Variants in LUZP2 observed in about 807,000 individuals in gnomAD.
The protein encoded by LUZP2 is leucine zipper protein 2.
Under a neutral mutation model 51.6 loss-of-function variants are expected in LUZP2, and 52 were observed. The ratio of observed to expected loss-of-function variants is 1.01; its 90% CI spans 0.81 to 1.27. The LOEUF is 1.27. Among genes scored for constraint, LUZP2 ranks in the 50% most tolerant of loss-of-function variants. The probability of loss-of-function intolerance (pLI) is 0.00; values close to 1 mark genes in which losing one functional copy is unlikely to be tolerated. For missense variants in LUZP2, 436 were observed against 395.4 expected (o/e 1.10, Z -0.87); for synonymous variants, 154 against 137.3 (o/e 1.12, Z -0.85).
intron 1 of LUZP2, among the ~76,000 whole-genome samples, chr11:24,582,763 G>GTTTTT (rs1021839638): frequency 2.6e-4 from 40 of 151,244 alleles, no homozygotes; most frequent in African/African-American, 9.5e-4. Flanking sequence ...TTTTGTTTTT[G>GTTTTT]TTTTTTTTGA....
At chr11:24,679,573 C>G (rs1291715874) in intron 1 of LUZP2, among the ~76,000 whole-genome samples, 1 of 152,056 alleles carries the variant, frequency 6.6e-6, no homozygotes, top group Non-Finnish European at 1.5e-5. Context: ...TTTAAATTAA[C>G]TATTTTAAAA....
In LUZP2 at chr11:24,843,742, G is replaced by A. The variant is rs1019570473; in HGVS notation, c.397-62249G>A. ...ATATCATGGGAGGTGCCTGGTGAGA[G>A]GTGATTGAATTATGGGGGCGGGTGT... On this transcript the variant is annotated intron_variant, in intron 5 of 11. Transcript: ENST00000336930. Among the ~76,000 whole-genome samples the A allele has an allele frequency of 2.1e-4, 32 of 152,256 alleles. 1 individual carries two copies. Among genetic ancestry groups the A allele is most frequent in the African/African-American group, 7.7e-4 (32 of 41,566 alleles).
chr11:24,503,430 G>A (rs990340148), intron 1 of LUZP2, among the ~76,000 whole-genome samples: 4 of 152,160 alleles, frequency 2.6e-5, no homozygotes, highest in Admixed American at 6.5e-5. Flanking sequence ...TGCTTCATGA[G>A]TATGAAGACA....
At chr11:24,560,827 T>C (rs1345330443) in intron 1 of LUZP2, among the ~76,000 whole-genome samples, 1 of 152,160 alleles carries the variant, frequency 6.6e-6, no homozygotes, top group Non-Finnish European at 1.5e-5. Context: ...GCTGGAGAGA[T>C]CAAGACCAAT....
chr11:24,713,528 T>A (rs1274680578), intron 1 of LUZP2, among the ~76,000 whole-genome samples: 1 of 151,786 alleles, frequency 6.6e-6, no homozygotes, highest in Non-Finnish European at 1.5e-5. Flanking sequence ...ATCAGAAATA[T>A]GGCAAAAAAT....
At chr11:24,972,182 A>C in intron 7 of LUZP2, among the ~76,000 whole-genome samples, 1 of 149,626 alleles carries the variant, frequency 6.7e-6, no homozygotes. Flanking sequence ...ATGAATGACA[A>C]TAAAATTTTC....
intron 1 of LUZP2, among the ~76,000 whole-genome samples, chr11:24,509,419 TG>T (rs1850237893): frequency 6.6e-6 from 1 of 150,544 alleles, no homozygotes; most frequent in Non-Finnish European, 1.5e-5. Flanking sequence ...GTATATAATA[TG>T]TACTAGATGA....
intron 7 of LUZP2, among the ~76,000 whole-genome samples, chr11:24,962,704 GT>G (rs1855452843): frequency 6.6e-6 from 1 of 152,032 alleles, no homozygotes; most frequent in African/African-American, 2.4e-5. Flanking sequence ...TTTGCCTTTG[GT>G]TTGAATTTCC....
chr11:25,009,391 C>CAT (rs894580443), intron 9 of LUZP2, among the ~76,000 whole-genome samples: 5 of 151,940 alleles, frequency 3.3e-5, no homozygotes, highest in Admixed American at 6.6e-5. Context: ...ATTTGCATTG[C>CAT]ATATATATAT....
chr11:24,981,355 G>T (rs1856023204), intron 8 of LUZP2, among the ~76,000 whole-genome samples: 1 of 151,778 alleles, frequency 6.6e-6, no homozygotes, highest in African/African-American at 2.4e-5. Context: ...TGGTGGGGGT[G>T]TCTTTTAGCA....
chr11:24,628,015 A>C (rs1038621106), intron 1 of LUZP2, among the ~76,000 whole-genome samples: 1 of 152,234 alleles, frequency 6.6e-6, no homozygotes, highest in Admixed American at 6.5e-5. Context: ...GGGCATTTTC[A>C]GTCTTTGGCT....
chr11:24,891,166 C>T lies in LUZP2; in HGVS notation c.397-14825C>T, dbSNP rs557290568. The stretch of plus-strand genomic sequence containing the variant: ...CTAAAATTGACAAAAGTCTACTTAA[C>T]CGACAGTATCTAATGTGAGCTAGAG... On this transcript the variant is annotated intron_variant, in intron 5 of 11. Coordinates refer to ENST00000336930, the MANE Select transcript of LUZP2 (RefSeq NM_001009909.4). The T allele has an allele frequency of 1.6e-4, 158 of 984,894 alleles. No individual in the cohort carries two copies. The African/African-American group carries it at 2.4e-3, about 15-fold the overall frequency. 61.0% of individuals were successfully genotyped at this position (984,894 alleles called of 1,614,324 possible).
chr11:24,646,126 T>C (rs2133953724), intron 1 of LUZP2, among the ~76,000 whole-genome samples: 1 of 152,176 alleles, frequency 6.6e-6, no homozygotes, highest in East Asian at 1.9e-4. Context: ...GCTAATGTGA[T>C]TATTTGACCA....
intron 5 of LUZP2, among the ~76,000 whole-genome samples, chr11:24,864,856 G>A (rs554020676): frequency 9.2e-5 from 14 of 152,236 alleles, no homozygotes; most frequent in African/African-American, 3.1e-4. Context: ...CCACAAGAAA[G>A]GGAGTTGAAT....
At chr11:24,820,289 A>G (rs527733137) in intron 5 of LUZP2, among the ~76,000 whole-genome samples, 1 of 152,312 alleles carries the variant, frequency 6.6e-6, no homozygotes, top group South Asian at 2.1e-4. Flanking sequence ...AGGAAACAAC[A>G]GAGAAGAGCA....
Position 24,983,176 on chromosome 11 carries a change from T to C in LUZP2, c.648T>C (p.Ser216=). The C allele has an allele frequency of 1.2e-6, 2 of 1,612,330 alleles. No individual in the cohort carries two copies. The highest frequency in any genetic ancestry group is 1.7e-6 in the Non-Finnish European group (2 of 1,178,886). ...MKETVQLCLT[S]VFRDQPPPPL... ...AGACTGTGCAGCTCTGCTTGACATCTGTTTTCCGTGATCAGCCTCCTCCCC... is the reference window on the plus strand; with the variant it reads ...AGACTGTGCAGCTCTGCTTGACATCCGTTTTCCGTGATCAGCCTCCTCCCC... The change falls in exon 9 of 12, where the codon TCT becomes TCC. Residue 216 remains serine (S), a synonymous_variant. Transcript: ENST00000336930.
chr11:24,945,086 C>A (rs1373978610), intron 7 of LUZP2, among the ~76,000 whole-genome samples: 1 of 152,076 alleles, frequency 6.6e-6, no homozygotes, highest in East Asian at 1.9e-4. Context: ...TCATTACTTG[C>A]CAGATGCCAC....
At chr11:24,597,682 G>A (rs1053837864) in intron 1 of LUZP2, among the ~76,000 whole-genome samples, 6 of 152,088 alleles carry the variant, frequency 3.9e-5, no homozygotes, top group South Asian at 2.1e-4. Context: ...ATAAAAGTGC[G>A]TTTTTCTTGC....
intron 10 of LUZP2, among the ~76,000 whole-genome samples, chr11:25,058,432 C>T (rs1858746859): frequency 6.6e-6 from 1 of 152,056 alleles, no homozygotes; most frequent in Non-Finnish European, 1.5e-5. Flanking sequence ...ATTGGCCAAA[C>T]AATAACGTGC....
Sources: gnomAD v4.1 joint callset for allele counts (sites outside exome capture counted in the v4.1 genomes callset) on GRCh38, gnomAD v4.1.1 for gene constraint, MANE v1.5 for transcripts, NCBI Gene and HGNC (gene_info 2026-07-23, HGNC 2026-07-21) for gene names.